The following PLCE1 variants were observed in gnomAD, a reference collection of about 807,000 sequenced individuals.
The protein encoded by PLCE1 is phospholipase C epsilon 1, also known as 1-phosphatidylinositol 4,5-bisphosphate phosphodiesterase epsilon-1.
In PLCE1, 119 loss-of-function variants were observed where a neutral mutation model predicts 242.8. The observed-to-expected ratio is 0.49, with a 90% CI of 0.42 to 0.57. PLCE1 has a LOEUF of 0.57. Ranked by LOEUF, PLCE1 falls within the 20% of genes least tolerant of loss-of-function variation. The probability of loss-of-function intolerance (pLI) is 0.00; values close to 1 mark genes in which losing one functional copy is unlikely to be tolerated. For missense variants in PLCE1, 2,441 were observed against 2,788.8 expected (o/e 0.88, Z 2.81); for synonymous variants, 945 against 1,017.4 (o/e 0.93, Z 1.35).
chr10:94,298,296 A>T lies in PLCE1; in HGVS notation c.5168-83A>T. The T allele has an allele frequency of 8.0e-7, 1 of 1,246,612 alleles. No individual in the cohort carries two copies. The highest frequency in any genetic ancestry group is 1.2e-6 in the Non-Finnish European group (1 of 850,542). 77.2% of individuals were successfully genotyped at this position (1,246,612 alleles called of 1,614,324 possible). On this transcript the variant is annotated intron_variant, in intron 23 of 32. Transcript: ENST00000371380. The surrounding 1 kb of genome is among the most constrained non-coding windows in gnomAD (Gnocchi z 5.2). ...TGTGGTTTATATGCTATGACTGTTT[A>T]CTGGGATGTTGTTCAGGTTTATCTT...
chr10:94,010,745 A>G (rs560502518), intron 1 of PLCE1, among the ~76,000 whole-genome samples: 23 of 152,168 alleles, frequency 1.5e-4, no homozygotes, highest in Non-Finnish European at 3.1e-4. Context: ...CTTGGACACA[A>G]TGGAGCCAAG....
At chr10:94,122,719 A>G (rs1267495786) in intron 2 of PLCE1, among the ~76,000 whole-genome samples, 2 of 152,236 alleles carry the variant, frequency 1.3e-5, no homozygotes, top group African/African-American at 2.4e-5. Context: ...TGGTACAGTC[A>G]GAGATGAAAG....
intron 24 of PLCE1, among the ~76,000 whole-genome samples, chr10:94,304,017 A>G (rs1327542918): frequency 6.6e-6 from 1 of 152,212 alleles, no homozygotes; most frequent in Non-Finnish European, 1.5e-5. Context: ...GGAAAAAAAA[A>G]GAAAAAGTAT....
chr10:94,199,195 T>A (rs2048916339), intron 4 of PLCE1, among the ~76,000 whole-genome samples: 1 of 152,260 alleles, frequency 6.6e-6, no homozygotes, highest in African/African-American at 2.4e-5. Context: ...TATGCCATTA[T>A]TAATTGGCCA....
rs146753651 is a variant in PLCE1 at position 94,315,519 on chromosome 10, G to A, written c.6133-1028G>A. The A allele has an allele frequency of 3.9e-3, 1,766 of 455,456 alleles. 15 individuals carry two copies. Among genetic ancestry groups the A allele is most frequent in the African/African-American group, 0.025 (1,260 of 50,106 alleles). 28.2% of individuals were successfully genotyped at this position (455,456 alleles called of 1,614,324 possible). On this transcript the variant is annotated intron_variant, in intron 28 of 32. Transcript: ENST00000371380. The stretch of plus-strand genomic sequence containing the variant: ...GTAAAACTATAATGCCTGTAATCCC[G>A]GCACTTTGGGAGGCCGAGGCGGGCA...
intron 2 of PLCE1, chr10:94,081,831 T>G (rs1416894636): frequency 6.6e-6 from 1 of 152,230 alleles, no homozygotes; most frequent in Non-Finnish European, 1.5e-5. Flanking sequence ...AGAGTCCAAC[T>G]GCCTATACTG....
At chr10:94,164,947 G>C (rs934517412) in intron 3 of PLCE1, among the ~76,000 whole-genome samples, 1 of 152,226 alleles carries the variant, frequency 6.6e-6, no homozygotes, top group Non-Finnish European at 1.5e-5. Flanking sequence ...CTGCAGAACA[G>C]TGGATATTGG....
intron 2 of PLCE1, among the ~76,000 whole-genome samples, chr10:94,049,195 A>G (rs2043694866): frequency 6.6e-6 from 1 of 152,182 alleles, no homozygotes; most frequent in African/African-American, 2.4e-5. Flanking sequence ...CAAACTTATT[A>G]AAGTTTTATG....
intron 7 of PLCE1, 147 bp downstream of exon 7, chr10:94,236,267 C>T (rs1185574335): frequency 5.9e-6 from 4 of 679,208 alleles, no homozygotes; most frequent in South Asian, 3.4e-5. Context: ...TATCTTCAAA[C>T]CTTACCAATT....
At chr10:94,145,048 A>C (rs2047073140) in intron 3 of PLCE1, among the ~76,000 whole-genome samples, 2 of 152,236 alleles carry the variant, frequency 1.3e-5, no homozygotes, top group African/African-American at 4.8e-5. Context: ...TAAGACTTAC[A>C]TTTCAAAAGG....
chr10:94,184,194 G>A lies in PLCE1; in HGVS notation c.1809+12698G>A, dbSNP rs75434924. Among the ~76,000 whole-genome samples the A allele has an allele frequency of 6.0e-4, 92 of 152,274 alleles. 2 individuals are homozygous for A. The East Asian group carries it at 0.016, about 26-fold the overall frequency. ...ATCCATTCTCCACCCAACAATCGGG[G>A]TGATCATTTATAAGCATAAAGGTAA... is the stretch of plus-strand genomic sequence containing the variant. On this transcript the variant is annotated intron_variant, in intron 4 of 32. Coordinates refer to ENST00000371380, the MANE Select transcript of PLCE1 (RefSeq NM_016341.4).
At chr10:94,061,312 T>G (rs976432648) in intron 2 of PLCE1, among the ~76,000 whole-genome samples, 1 of 152,176 alleles carries the variant, frequency 6.6e-6, no homozygotes, top group African/African-American at 2.4e-5. Context: ...CTTAAGCAGG[T>G]GATCAACTGA....
chr10:94,101,196 G>T (rs1317453161), intron 2 of PLCE1, among the ~76,000 whole-genome samples: 3 of 152,154 alleles, frequency 2.0e-5, no homozygotes, highest in Non-Finnish European at 4.4e-5. Flanking sequence ...CCTCACCTGC[G>T]CACCTCACCC....
intron 7 of PLCE1, among the ~76,000 whole-genome samples, chr10:94,239,714 G>A (rs540285353): frequency 2.0e-5 from 3 of 152,142 alleles, no homozygotes; most frequent in South Asian, 2.1e-4. Context: ...TTAGAGACGC[G>A]CCTGGACGAT....
intron 2 of PLCE1, among the ~76,000 whole-genome samples, chr10:94,130,493 C>T (rs983836356): frequency 2.0e-5 from 3 of 152,146 alleles, no homozygotes; most frequent in African/African-American, 7.2e-5. Context: ...TCCCATTTTA[C>T]AGAGGAGGGA....
Position 94,132,476 on chromosome 10 carries a change from C to T in PLCE1, c.1492+17C>T. The T allele has an allele frequency of 6.2e-7, 1 of 1,610,872 alleles. No individual in the cohort carries two copies. The highest frequency in any genetic ancestry group is 8.5e-7 in the Non-Finnish European group (1 of 1,177,464). On this transcript the variant is annotated intron_variant, in intron 3 of 32. Transcript: ENST00000371380. Reference sequence around the variant, plus strand: ...TGCTGAAAGGTAATGCCTGAAATTTCACTTTTAACTTTCTATCTTTGACTA... The same window carrying T: ...TGCTGAAAGGTAATGCCTGAAATTTTACTTTTAACTTTCTATCTTTGACTA...
intron 1 of PLCE1, among the ~76,000 whole-genome samples, chr10:94,018,033 G>A (rs2061311452): frequency 6.6e-6 from 1 of 152,102 alleles, no homozygotes; most frequent in Non-Finnish European, 1.5e-5. Context: ...TTCATCTTAC[G>A]AGTTTTTAAT....
chr10:94,238,501 G>T (rs1251985815), intron 7 of PLCE1, among the ~76,000 whole-genome samples: 1 of 152,150 alleles, frequency 6.6e-6, no homozygotes, highest in Admixed American at 6.5e-5. Context: ...TCTTTTGATT[G>T]TAGAGAGACT....
intron 4 of PLCE1, among the ~76,000 whole-genome samples, chr10:94,210,840 C>T (rs1217253941): frequency 1.3e-5 from 2 of 152,192 alleles, no homozygotes; most frequent in Non-Finnish European, 2.9e-5. Flanking sequence ...AGACAAATAG[C>T]AATGGCACCA....
Sources: allele counts gnomAD v4.1 joint callset (sites outside exome capture counted in the v4.1 genomes callset), GRCh38; gene constraint gnomAD v4.1.1; non-coding constraint Gnocchi (gnomAD v3.1); transcripts MANE v1.5; gene names NCBI Gene and HGNC (gene_info 2026-07-23, HGNC 2026-07-21).